The following DMD variants were observed in gnomAD, a reference collection of about 807,000 sequenced individuals.
The protein encoded by DMD is dystrophin.
A neutral mutation model predicts 330.1 loss-of-function variants in DMD; 63 were observed. That is an observed-to-expected ratio of 0.19 (90% CI 0.16 to 0.24). The LOEUF (loss-of-function observed/expected upper bound fraction) is 0.24. Among genes scored for constraint, DMD ranks in the 10% least tolerant of loss-of-function variants. The pLI is 1.00. For synonymous variants in DMD, 1,223 were observed against 959.8 expected, an observed-to-expected ratio of 1.27 and a Z score of -5.07; for missense variants, 3,344 against 2,684.1, an observed-to-expected ratio of 1.25 and a Z score of -5.43.
At chrX:32,947,990 G>A (rs2090936948) in intron 2 of DMD, among the ~76,000 whole-genome samples, 1 of 111,310 alleles carries the variant, frequency 9.0e-6, no homozygotes, top group Admixed American at 9.6e-5. Flanking sequence ...TAAGCTGGTT[G>A]TACAAAGTCA....
intron 76 of DMD, among the ~76,000 whole-genome samples, chrX:31,136,023 TA>T (rs2035181414): frequency 9.2e-6 from 1 of 108,835 alleles, no homozygotes; most frequent in South Asian, 4.1e-4. Flanking sequence ...CAGCAGAAGC[TA>T]AAAGAATCAT....
intron 37 of DMD, among the ~76,000 whole-genome samples, chrX:32,359,175 A>C (rs1038713302): frequency 1.6e-4 from 18 of 111,928 alleles, no homozygotes; most frequent in Non-Finnish European, 3.0e-4. Context: ...TCAAGTCCTC[A>C]GCCAATCTGA....
Position 31,679,269 on chromosome X carries a change from T to C in DMD, c.7872+106A>G, listed in dbSNP as rs970586007. The C allele has an allele frequency of 5.3e-6, 4 of 748,388 alleles. No homozygotes were observed. In the East Asian group the frequency reaches 1.4e-4, roughly 26 times the overall value. The allele number at this position is 748,388 out of a possible 1,213,427, so 61.7% of individuals were successfully genotyped here. A position where few individuals can be genotyped will look rare whatever the true frequency, so the allele number is the denominator to read the frequency against. On this transcript the variant is annotated intron_variant, in intron 53 of 78. Coordinates refer to ENST00000357033, the MANE Select transcript of DMD (RefSeq NM_004006.3). ...CTGTTCATTTCAGCTTTAACGTGAT[T>C]TTCTGTTAATAACTTTACATTAAAC...
intron 2 of DMD, among the ~76,000 whole-genome samples, chrX:32,948,752 T>A (rs769488978): frequency 8.9e-6 from 1 of 111,900 alleles, no homozygotes; most frequent in Non-Finnish European, 1.9e-5. Context: ...GAACTTTAGA[T>A]ACATGTTATC....
intron 7 of DMD, among the ~76,000 whole-genome samples, chrX:32,763,235 ATTAT>A (rs2072548334): frequency 8.9e-6 from 1 of 112,205 alleles, no homozygotes; most frequent in African/African-American, 3.2e-5. Flanking sequence ...TTTATTCAGA[ATTAT>A]TTAATACAAT....
At chrX:31,535,626 A>G in intron 55 of DMD, among the ~76,000 whole-genome samples, 1 of 110,786 alleles carries the variant, frequency 9.0e-6, no homozygotes, top group South Asian at 3.9e-4. Context: ...ACAAAAGCCA[A>G]AATTGACAAA....
chrX:33,093,001 G>A (rs1434143187), intron 1 of DMD, among the ~76,000 whole-genome samples: 2 of 110,854 alleles, frequency 1.8e-5, no homozygotes, highest in Non-Finnish European at 3.8e-5. Context: ...AGCCTCCCAA[G>A]TAGCTAGGAT....
At chrX:32,278,812 C>A (rs766279089) in intron 43 of DMD, among the ~76,000 whole-genome samples, 1 of 111,535 alleles carries the variant, frequency 9.0e-6, no homozygotes, top group African/African-American at 3.3e-5. Flanking sequence ...CAAAAATAGA[C>A]AAATGGATCA....
At chrX:31,490,934 C>A (rs1427857642) in intron 57 of DMD, among the ~76,000 whole-genome samples, 1 of 112,298 alleles carries the variant, frequency 8.9e-6, no homozygotes, top group Non-Finnish European at 1.9e-5. Flanking sequence ...TATGACCTGA[C>A]AAATGAACAA....
intron 41 of DMD, among the ~76,000 whole-genome samples, chrX:32,334,061 C>T (rs2097693624): frequency 8.9e-6 from 1 of 111,761 alleles, no homozygotes; most frequent in African/African-American, 3.2e-5. Context: ...CATGCCTCTA[C>T]TTAACCATTA....
chrX:31,649,451 T>C, intron 54 of DMD, among the ~76,000 whole-genome samples: 1 of 111,571 alleles, frequency 9.0e-6, no homozygotes. Context: ...TGAAAGGAGA[T>C]GACATAAAAT....
intron 17 of DMD, among the ~76,000 whole-genome samples, chrX:32,532,542 A>G (rs964403347): frequency 2.7e-5 from 3 of 112,625 alleles, no homozygotes; most frequent in African/African-American, 9.7e-5. Context: ...TCTATGACAC[A>G]TTGTTATCAT....
rs1417035928 is a variant in DMD at position 32,807,949 on chromosome X, A to G, written c.649+1544T>C. On this transcript the variant is annotated intron_variant, in intron 7 of 78. Coordinates refer to ENST00000357033, the MANE Select transcript of DMD (RefSeq NM_004006.3). Reference sequence around the variant, plus strand: ...GAACTGACCATATGTGATTCAATAAAAAACAAACATATTAACAGCCTTATC... The same window carrying G: ...GAACTGACCATATGTGATTCAATAAGAAACAAACATATTAACAGCCTTATC... Among the ~76,000 whole-genome samples, 3 of 112,329 alleles carry G rather than the reference A, an allele frequency of 2.7e-5. No individual in the cohort carries two copies. The Admixed American group carries it at 2.8e-4, about 11-fold the overall frequency.
chrX:32,138,462 G>T (rs1037376567), intron 44 of DMD, among the ~76,000 whole-genome samples: 1 of 111,623 alleles, frequency 9.0e-6, no homozygotes, highest in African/African-American at 3.3e-5. Context: ...AACTCAGCTA[G>T]CACATTATCT....
rs771606445 is a variant in DMD at position 32,310,413 on chromosome X, C to T, written c.5923-137G>A. The T allele has an allele frequency of 3.9e-5, 20 of 506,896 alleles. No individual in the cohort carries two copies. The Middle Eastern group carries it at 2.5e-3, about 64-fold the overall frequency. 41.8% of individuals were successfully genotyped at this position (506,896 alleles called of 1,213,427 possible). ...GGCTGAAAATGGATTCAAAACCTCA[C>T]GATGGTAAGTCTAGTAAAACGGTGA... On this transcript the variant is annotated intron_variant, in intron 41 of 78. Transcript: ENST00000357033.
chrX:32,307,513 C>T (rs781435385), intron 42 of DMD, among the ~76,000 whole-genome samples: 1 of 111,677 alleles, frequency 9.0e-6, no homozygotes, highest in South Asian at 3.7e-4. Context: ...GAGTACAAGG[C>T]ATGCTGAGTC....
At chrX:32,540,287 TCAGA>T (rs751768136) in intron 17 of DMD, among the ~76,000 whole-genome samples, 25 of 111,495 alleles carry the variant, frequency 2.2e-4, no homozygotes, top group African/African-American at 6.8e-4. Flanking sequence ...CCCAAGATCA[TCAGA>T]CACTTTTGCA....
At chrX:32,765,227 A>AG (rs1229988500) in intron 7 of DMD, among the ~76,000 whole-genome samples, 10 of 110,647 alleles carry the variant, frequency 9.0e-5, no homozygotes. Context: ...CCAATGTTGG[A>AG]GTTGGTGTCT....
At chrX:32,023,074 G>T (rs980307924) in intron 44 of DMD, among the ~76,000 whole-genome samples, 18 of 110,581 alleles carry the variant, frequency 1.6e-4, no homozygotes, top group South Asian at 3.9e-4. Context: ...CTCATGATCC[G>T]CCCGCCTCGG....
Sources: gnomAD v4.1 joint callset for allele counts (sites outside exome capture counted in the v4.1 genomes callset) on GRCh38, gnomAD v4.1.1 for gene constraint, MANE v1.5 for transcripts, NCBI Gene and HGNC (gene_info 2026-07-23, HGNC 2026-07-21) for gene names.